Variants in ADAMTSL1 observed in about 807,000 individuals in gnomAD.
The protein encoded by ADAMTSL1 is ADAMTS like 1.
Under a neutral mutation model 201.8 loss-of-function variants are expected in ADAMTSL1, and 126 were observed. That is an observed-to-expected ratio of 0.62 (90% CI 0.54 to 0.72). ADAMTSL1 has a LOEUF of 0.72. Ranked by LOEUF, ADAMTSL1 falls within the 30% of genes least tolerant of loss-of-function variation. The pLI is 0.00. For missense variants in ADAMTSL1, 2,679 were observed against 2,277.8 expected (o/e 1.18, Z -3.59); for synonymous variants, 1,121 against 903.4 (o/e 1.24, Z -4.32).
chr9:18,652,185 A>G (rs946668514), intron 7 of ADAMTSL1, among the ~76,000 whole-genome samples: 24 of 152,178 alleles, frequency 1.6e-4, no homozygotes, highest in African/African-American at 5.3e-4. Context: ...CAGCCTGGCC[A>G]AGATGGTGAA....
intron 1 of ADAMTSL1, among the ~76,000 whole-genome samples, chr9:18,029,549 G>A (rs1045444309): frequency 1.3e-5 from 2 of 152,074 alleles, no homozygotes; most frequent in African/African-American, 4.8e-5. Context: ...TGACAAATGG[G>A]ATCTCATTAA....
chr9:18,512,848 A>G (rs1371810472), intron 2 of ADAMTSL1, among the ~76,000 whole-genome samples: 1 of 152,176 alleles, frequency 6.6e-6, no homozygotes, highest in Non-Finnish European at 1.5e-5. Context: ...CACAGCAGAC[A>G]TTCAAATGTT....
At position 18,745,993 on chromosome 9, in the gene ADAMTSL1, GGAA is replaced by G. The variant is rs759627995; in HGVS notation, c.2007-7294_2007-7292del. 3.3e-5 allele frequency among the ~76,000 whole-genome samples: 5 copies of G among 152,280 alleles called. No homozygotes were observed. In the South Asian group the frequency reaches 6.2e-4, roughly 19 times the overall value. ...CCTACAAAGTGGAAGAGGAAAGGAA[GGAA>G]GAAGAAGAAGGAAAGGCCAGTTTGA... On this transcript the variant is annotated intron_variant, in intron 15 of 28. Coordinates refer to ENST00000380548, the MANE Select transcript of ADAMTSL1 (RefSeq NM_001040272.6).
At chr9:18,062,842 A>C (rs1200707378) in intron 1 of ADAMTSL1, among the ~76,000 whole-genome samples, 2 of 152,150 alleles carry the variant, frequency 1.3e-5, no homozygotes, top group African/African-American at 4.8e-5. Context: ...CTTTGATGAA[A>C]TCTTCCATTA....
At chr9:18,052,203 C>A (rs571140391) in intron 1 of ADAMTSL1, among the ~76,000 whole-genome samples, 1 of 152,322 alleles carries the variant, frequency 6.6e-6, no homozygotes, top group East Asian at 1.9e-4. Context: ...GCAGAAGTGG[C>A]CCTTGCCTGT....
At chr9:18,357,499 A>G (rs968061723) in intron 2 of ADAMTSL1, among the ~76,000 whole-genome samples, 3 of 152,116 alleles carry the variant, frequency 2.0e-5, no homozygotes, top group Admixed American at 2.0e-4. Context: ...GAATACTTCA[A>G]ATGCTTCCTA....
chr9:17,969,278 A>G (rs1818109658), intron 1 of ADAMTSL1, among the ~76,000 whole-genome samples: 1 of 152,086 alleles, frequency 6.6e-6, no homozygotes, highest in Non-Finnish European at 1.5e-5. Flanking sequence ...ATGTGATATT[A>G]GAGAATAATT....
chr9:18,573,285 C>G, intron 3 of ADAMTSL1: 1 of 154,804 alleles, frequency 6.5e-6, no homozygotes, highest in Middle Eastern at 5.2e-4. Flanking sequence ...TCGTGAACTT[C>G]TCACAACAAC....
intron 2 of ADAMTSL1, among the ~76,000 whole-genome samples, chr9:18,397,689 A>G (rs932237685): frequency 3.3e-5 from 5 of 152,176 alleles, no homozygotes; most frequent in African/African-American, 1.2e-4. Flanking sequence ...ACATACCACA[A>G]TTTCAGAGAT....
chr9:18,897,531 G>A (rs1233571628), intron 26 of ADAMTSL1, among the ~76,000 whole-genome samples: 2 of 152,214 alleles, frequency 1.3e-5, no homozygotes, highest in African/African-American at 4.8e-5. Context: ...TGCCATCTTT[G>A]CTGTTTTGCA....
intron 18 of ADAMTSL1, among the ~76,000 whole-genome samples, chr9:18,776,436 G>A (rs1820997354): frequency 6.6e-6 from 1 of 152,062 alleles, no homozygotes; most frequent in Admixed American, 6.5e-5. Flanking sequence ...TTTCCCCCGG[G>A]ATCCCCCTCC....
Position 18,532,047 on chromosome 9 carries a change from G to A in ADAMTSL1, c.192-1200G>A, listed in dbSNP as rs577460175. 3.3e-5 allele frequency among the ~76,000 whole-genome samples: 5 copies of A among 152,128 alleles called. No individual in the cohort carries two copies. The East Asian group carries it at 7.7e-4, about 23-fold the overall frequency. On this transcript the variant is annotated intron_variant, in intron 2 of 28. Coordinates refer to ENST00000380548, the MANE Select transcript of ADAMTSL1 (RefSeq NM_001040272.6). ...ATATAACAAACTTATAAATGTACCT[G>A]GAATTCTAAAACTACTAGGTATTAG...
chr9:18,758,403 A>T (rs954311509), intron 16 of ADAMTSL1, among the ~76,000 whole-genome samples: 1 of 152,180 alleles, frequency 6.6e-6, no homozygotes, highest in Admixed American at 6.5e-5. Flanking sequence ...TGGTGGCTTA[A>T]AACAACACAA....
intron 2 of ADAMTSL1, among the ~76,000 whole-genome samples, chr9:18,174,209 A>G (rs756168071): frequency 3.9e-4 from 59 of 152,174 alleles, no homozygotes; most frequent in Admixed American, 5.2e-4. Flanking sequence ...AAAGGCAACT[A>G]TCTTCCCAAG....
At chr9:18,645,440 GT>G (rs1827744823) in intron 7 of ADAMTSL1, among the ~76,000 whole-genome samples, 1 of 151,734 alleles carries the variant, frequency 6.6e-6, no homozygotes, top group Non-Finnish European at 1.5e-5. Flanking sequence ...TGCTTTTGGT[GT>G]TTTAGACATG....
chr9:18,639,952 A>G (rs1292757298), intron 7 of ADAMTSL1, among the ~76,000 whole-genome samples: 1 of 152,160 alleles, frequency 6.6e-6, no homozygotes, highest in Non-Finnish European at 1.5e-5. Flanking sequence ...TGCACACACT[A>G]GAAGAACTTT....
Position 18,504,972 on chromosome 9 carries a change from G to C in ADAMTSL1, c.191+16G>C, listed in dbSNP as rs370844113. ...TGAGCAGCAAGTAAGTCCTGCACCC[G>C]TTGGGGGTCTTTGTGAGAACCAGAG... On this transcript the variant is annotated intron_variant, in intron 2 of 28. Coordinates refer to ENST00000380548, the MANE Select transcript of ADAMTSL1 (RefSeq NM_001040272.6). 1.3e-6 allele frequency: 2 copies of C among 1,594,764 alleles called. No individual in the cohort carries two copies. Among genetic ancestry groups the C allele is most frequent in the East Asian group, 4.5e-5 (2 of 44,408 alleles).
In ADAMTSL1 at chr9:18,307,069, C is replaced by G. The variant is rs551754382; in HGVS notation, c.207+143088C>G. Among the ~76,000 whole-genome samples the G allele has an allele frequency of 2.6e-5, 4 of 152,256 alleles. No individual in the cohort carries two copies. The South Asian group carries it at 8.3e-4, about 32-fold the overall frequency. On this transcript the variant is annotated intron_variant, in intron 2 of 29. Coordinates refer to the ADAMTSL1 transcript ENST00000680146. ...ATTCGTAAAGAAAAGAATTTTCAACCCAGAATTTCATATCCAGCCAAACTA... is the reference window on the plus strand; with the variant it reads ...ATTCGTAAAGAAAAGAATTTTCAACGCAGAATTTCATATCCAGCCAAACTA...
intron 1 of ADAMTSL1, among the ~76,000 whole-genome samples, chr9:17,934,809 C>T (rs577730086): frequency 3.3e-5 from 5 of 151,242 alleles, no homozygotes; most frequent in Non-Finnish European, 5.9e-5. Flanking sequence ...AAAGACCCGT[C>T]ATTCTACTTG....
Sources: gnomAD v4.1 joint callset for allele counts (sites outside exome capture counted in the v4.1 genomes callset) on GRCh38, gnomAD v4.1.1 for gene constraint, MANE v1.5 for transcripts, NCBI Gene and HGNC (gene_info 2026-07-23, HGNC 2026-07-21) for gene names.